PPP2R3A: variants seen among roughly 807,000 people sequenced by gnomAD.
The protein encoded by PPP2R3A is protein phosphatase 2 regulatory subunit B''alpha, also known as serine/threonine-protein phosphatase 2A regulatory subunit B'' subunit alpha.
PPP2R3A carries 80 observed loss-of-function variants against 106.9 expected under a neutral mutation model. That is an observed-to-expected ratio of 0.75 (90% CI 0.62 to 0.90). The LOEUF (loss-of-function observed/expected upper bound fraction) is 0.90, where lower values mean the gene tolerates loss of function less well. Ranked by LOEUF, PPP2R3A falls within the 40% of genes least tolerant of loss-of-function variation. The pLI is 0.00. For synonymous variants in PPP2R3A, 483 were observed against 468.3 expected, an observed-to-expected ratio of 1.03 and a Z score of -0.41; for missense variants, 1,386 against 1,350.4, an observed-to-expected ratio of 1.03 and a Z score of -0.41.
chr3:135,976,127 T>C (rs537984760), intron 1 of PPP2R3A, among the ~76,000 whole-genome samples: 10 of 152,218 alleles, frequency 6.6e-5, no homozygotes, highest in Non-Finnish European at 1.3e-4. Context: ...TCTTTAGTAA[T>C]AGGAACCCCA....
intron 1 of PPP2R3A, among the ~76,000 whole-genome samples, chr3:135,998,807 G>A (rs1305169241): frequency 6.6e-6 from 1 of 152,118 alleles, no homozygotes; most frequent in African/African-American, 2.4e-5. Flanking sequence ...ATTTTGACCT[G>A]GAAGTACATT....
chr3:135,965,881 G>A (rs1406271054), intron 1 of PPP2R3A, 32 bp downstream of exon 1: 3 of 151,762 alleles, frequency 2.0e-5, no homozygotes, highest in Non-Finnish European at 4.4e-5. Flanking sequence ...GCACGGCCTG[G>A]AGCCTTCAGC....
At chr3:136,014,760 A>G (rs552634144) in intron 2 of PPP2R3A, among the ~76,000 whole-genome samples, 2 of 151,966 alleles carry the variant, frequency 1.3e-5, no homozygotes, top group East Asian at 3.9e-4. Context: ...GTATATGATC[A>G]TATCAGCAAA....
chr3:136,029,657 G>C (rs371415162), intron 3 of PPP2R3A, among the ~76,000 whole-genome samples: 1 of 152,154 alleles, frequency 6.6e-6, no homozygotes, highest in East Asian at 1.9e-4. Context: ...TAAAAAGATA[G>C]AAAACTAATT....
chr3:135,998,765 T>A (rs906911873), intron 1 of PPP2R3A, among the ~76,000 whole-genome samples: 3 of 152,240 alleles, frequency 2.0e-5, no homozygotes, highest in Admixed American at 6.5e-5. Context: ...ATTTATATGA[T>A]AGAATGTTAT....
intron 10 of PPP2R3A, among the ~76,000 whole-genome samples, chr3:136,101,575 C>T (rs1241377468): frequency 2.0e-5 from 3 of 152,124 alleles, no homozygotes; most frequent in Non-Finnish European, 4.4e-5. Context: ...CAGGCATGCA[C>T]CACCATGCGC....
At chr3:136,129,546 G>A (rs962758651) in intron 13 of PPP2R3A, among the ~76,000 whole-genome samples, 4 of 152,102 alleles carry the variant, frequency 2.6e-5, no homozygotes, top group Non-Finnish European at 5.9e-5. Context: ...ACCAAAAAAA[G>A]TCCAGGACCA....
chr3:136,086,397 G>A (rs951896149), intron 8 of PPP2R3A, among the ~76,000 whole-genome samples: 5 of 151,928 alleles, frequency 3.3e-5, no homozygotes, highest in Admixed American at 6.6e-5. Context: ...CAGGAGAACC[G>A]CTTGAACCCA....
At chr3:136,060,137 T>G (rs59609159) in intron 5 of PPP2R3A, among the ~76,000 whole-genome samples, 108 of 152,174 alleles carry the variant, frequency 7.1e-4, no homozygotes, top group African/African-American at 2.6e-3. Flanking sequence ...ACTTAAAACT[T>G]AAAAAGATAA....
At chr3:136,014,592 T>C (rs1322286611) in intron 2 of PPP2R3A, among the ~76,000 whole-genome samples, 1 of 152,132 alleles carries the variant, frequency 6.6e-6, no homozygotes, top group Non-Finnish European at 1.5e-5. Flanking sequence ...TTACAGTTAT[T>C]GTAAAAGGGG....
At chr3:136,090,775 A>T in intron 10 of PPP2R3A, 108 bp downstream of exon 10, 1 of 790,022 alleles carries the variant, frequency 1.3e-6, no homozygotes, top group Non-Finnish European at 2.1e-6. Flanking sequence ...TGGCAATACT[A>T]AGATGAATTA....
intron 2 of PPP2R3A, among the ~76,000 whole-genome samples, chr3:136,012,457 T>TA (rs1169038735): frequency 6.6e-6 from 1 of 152,204 alleles, no homozygotes; most frequent in Non-Finnish European, 1.5e-5. Flanking sequence ...CAAAAATGCT[T>TA]ATTAGGTTTC....
At chr3:136,066,803 C>G (rs1936273934) in intron 5 of PPP2R3A, among the ~76,000 whole-genome samples, 1 of 152,076 alleles carries the variant, frequency 6.6e-6, no homozygotes, top group African/African-American at 2.4e-5. Context: ...AGTCACCTTC[C>G]ACCAGGCCCC....
intron 4 of PPP2R3A, among the ~76,000 whole-genome samples, chr3:136,047,461 C>T (rs529381229): frequency 3.9e-5 from 6 of 152,230 alleles, no homozygotes; most frequent in Non-Finnish European, 5.9e-5. Context: ...ACTAAGCAGC[C>T]GTAAAAAAGA....
intron 4 of PPP2R3A, among the ~76,000 whole-genome samples, chr3:136,048,778 G>A (rs1559888576): frequency 6.6e-6 from 1 of 151,852 alleles, no homozygotes; most frequent in Non-Finnish European, 1.5e-5. Context: ...CAACAAACAA[G>A]AGCCTAAGCA....
chr3:136,072,792 T>C (rs1936477332), intron 6 of PPP2R3A, among the ~76,000 whole-genome samples: 1 of 152,264 alleles, frequency 6.6e-6, no homozygotes, highest in Non-Finnish European at 1.5e-5. Context: ...TTCTTAGATA[T>C]TAAAGAACAA....
At chr3:136,057,752 A>G (rs1049017935) in intron 5 of PPP2R3A, among the ~76,000 whole-genome samples, 1 of 152,182 alleles carries the variant, frequency 6.6e-6, no homozygotes, top group African/African-American at 2.4e-5. Flanking sequence ...ATGAAAGATC[A>G]TGTCACACCT....
intron 1 of PPP2R3A, among the ~76,000 whole-genome samples, chr3:135,989,770 A>G (rs549036036): frequency 6.6e-6 from 1 of 152,304 alleles, no homozygotes; most frequent in African/African-American, 2.4e-5. Context: ...TGCTCATACA[A>G]TATCTATAAG....
intron 1 of PPP2R3A, among the ~76,000 whole-genome samples, chr3:135,975,971 CA>C (rs1937409233): frequency 6.6e-6 from 1 of 152,136 alleles, no homozygotes; most frequent in Non-Finnish European, 1.5e-5. Flanking sequence ...AAAAGTTGTA[CA>C]AAATGGTATC....
Sources: allele counts gnomAD v4.1 joint callset (sites outside exome capture counted in the v4.1 genomes callset), GRCh38; gene constraint gnomAD v4.1.1; transcripts MANE v1.5; gene names NCBI Gene and HGNC (gene_info 2026-07-23, HGNC 2026-07-21).